EPS15L1: variants seen among roughly 807,000 people sequenced by gnomAD.
The protein encoded by EPS15L1 is epidermal growth factor receptor pathway substrate 15 like 1.
Under a neutral mutation model 117.1 loss-of-function variants are expected in EPS15L1, and 43 were observed. That is an observed-to-expected ratio of 0.37 (90% CI 0.29 to 0.47). The LOEUF is 0.47. Ranked by LOEUF, EPS15L1 falls within the 20% of genes least tolerant of loss-of-function variation. EPS15L1 has a pLI of 0.99. For synonymous variants in EPS15L1, 459 were observed against 470.5 expected (o/e 0.98, Z 0.32); for missense variants, 981 against 1,164.0 (o/e 0.84, Z 2.29).
At position 16,441,955 on chromosome 19, in the gene EPS15L1, C is replaced by G; in HGVS notation, c.102G>C (p.Val34=). Residue 34 remains valine, a synonymous_variant, in exon 3 of 24, where the codon GTG becomes GTC. Coordinates refer to ENST00000455140, the MANE Select transcript of EPS15L1 (RefSeq NM_001258374.3). ...GAAAAAGCGCAGCTTCACTCGCCCC[C>G]ACCCTCCCTGTGTATGCCGGATCGA... The part of the protein sequence containing the change: ...KQVDPAYTGR[V]GASEAALFLK... The G allele has an allele frequency of 6.2e-7, 1 of 1,614,056 alleles. No homozygotes were observed. Among genetic ancestry groups the G allele is most frequent in the South Asian group, 1.1e-5 (1 of 91,054 alleles).
Position 16,404,082 on chromosome 19 carries a change from C to G in EPS15L1, c.1429-152G>C. 1.5e-6 allele frequency: 1 copy of G among 681,108 alleles called. No individual in the cohort carries two copies. The highest frequency in any genetic ancestry group is 2.5e-6 in the Non-Finnish European group (1 of 401,472). 42.2% of individuals were successfully genotyped at this position (681,108 alleles called of 1,614,324 possible). A position where few individuals can be genotyped will look rare whatever the true frequency, so the allele number is the denominator to read the frequency against. ...CCCGACACCTGGCTTCCTTACAGGC[C>G]TCTTTCTACACCCAAAATAGAGACA... is the stretch of plus-strand genomic sequence containing the variant. On this transcript the variant is annotated intron_variant, in intron 14 of 23. Coordinates refer to ENST00000455140, the MANE Select transcript of EPS15L1 (RefSeq NM_001258374.3). This position sits in a 1 kb window ranked among gnomAD's most constrained non-coding sequence, Gnocchi z 4.2.
intron 19 of EPS15L1, among the ~76,000 whole-genome samples, chr19:16,388,428 C>T (rs181461730): frequency 6.6e-6 from 1 of 152,178 alleles, no homozygotes; most frequent in Non-Finnish European, 1.5e-5. Context: ...AAGAAAACTA[C>T]ACCCAGAAAC....
At chr19:16,430,193 G>C (rs1380801113) in intron 7 of EPS15L1, among the ~76,000 whole-genome samples, 1 of 152,184 alleles carries the variant, frequency 6.6e-6, no homozygotes, top group Non-Finnish European at 1.5e-5. Flanking sequence ...GTCTTCCCCA[G>C]CTGCCCTGCT....
chr19:16,420,298 T>A (rs1030800149), intron 10 of EPS15L1, among the ~76,000 whole-genome samples: 1 of 152,222 alleles, frequency 6.6e-6, no homozygotes. Flanking sequence ...GCAGCATGCA[T>A]TATAAATTAC....
intron 9 of EPS15L1, among the ~76,000 whole-genome samples, chr19:16,422,804 A>C (rs2092830471): frequency 1.3e-5 from 2 of 152,030 alleles, no homozygotes; most frequent in Admixed American, 6.6e-5. Flanking sequence ...TAAAAACACG[A>C]AAAATTAGCC....
intron 22 of EPS15L1, among the ~76,000 whole-genome samples, chr19:16,362,910 T>C (rs965192867): frequency 3.9e-5 from 6 of 152,162 alleles, no homozygotes; most frequent in Non-Finnish European, 8.8e-5. Flanking sequence ...AGCAGGGAAC[T>C]CCAGGATGCC....
At chr19:16,360,461 G>A (rs964800686) in intron 23 of EPS15L1, among the ~76,000 whole-genome samples, 5 of 151,808 alleles carry the variant, frequency 3.3e-5, no homozygotes, top group African/African-American at 9.7e-5. Flanking sequence ...GGTCTTGGGC[G>A]ATTTAAATAA....
At chr19:16,392,058 G>A (rs1460678076) in intron 19 of EPS15L1, among the ~76,000 whole-genome samples, 2 of 152,188 alleles carry the variant, frequency 1.3e-5, no homozygotes, top group Non-Finnish European at 2.9e-5. Context: ...CTGATGTGGG[G>A]CCACTGGACT....
At chr19:16,468,724 G>T (rs984325911) in intron 1 of EPS15L1, among the ~76,000 whole-genome samples, 3 of 151,440 alleles carry the variant, frequency 2.0e-5, no homozygotes, top group African/African-American at 7.3e-5. Context: ...TTTAGAAGAT[G>T]AATCCTAGCC....
chr19:16,382,183 G>T (rs549290532), intron 21 of EPS15L1, among the ~76,000 whole-genome samples: 136 of 152,306 alleles, frequency 8.9e-4, no homozygotes, highest in Non-Finnish European at 1.8e-3. Flanking sequence ...AACTCGCGAG[G>T]CGACAGGCTT....
Position 16,370,376 on chromosome 19 carries a change from C to A in EPS15L1, c.2380+6746G>T, listed in dbSNP as rs1019530021. On this transcript the variant is annotated intron_variant, in intron 22 of 23. Transcript: ENST00000455140. The surrounding 1 kb of genome is among the most constrained non-coding windows in gnomAD (Gnocchi z 5.2). ...CAGAGCCCCCTTCTGAGGCGTCTGCCCCAGCCCTCACCTCCCTCAGGTGCC... is the reference window on the plus strand; with the variant it reads ...CAGAGCCCCCTTCTGAGGCGTCTGCACCAGCCCTCACCTCCCTCAGGTGCC... Among the ~76,000 whole-genome samples, 1 of 152,098 alleles carries A rather than the reference C, an allele frequency of 6.6e-6. No homozygotes were observed. The highest frequency in any genetic ancestry group is 6.5e-5 in the Admixed American group (1 of 15,276).
In EPS15L1 at chr19:16,425,277, C is replaced by G. The variant is rs750262553; in HGVS notation, c.598G>C (p.Val200Leu). 7.5e-6 allele frequency: 12 copies of G among 1,606,796 alleles called. No homozygotes were observed. Among genetic ancestry groups the G allele is most frequent in the Non-Finnish European group, 1.7e-6 (2 of 1,176,262 alleles). Residue 200 changes from valine (V) to leucine (L), a missense_variant, in exon 9 of 24, where the codon GTG (valine) becomes CTG (leucine). Around this residue, in one of 5 missense-constraint regions of EPS15L1, gnomAD observed 819 missense variants for 949.0 expected, o/e 0.86. Coordinates refer to ENST00000455140, the MANE Select transcript of EPS15L1 (RefSeq NM_001258374.3). ...AGGGACGGGGGCAGGGCGGAGGGCA[C>G]GGGCTCCTTCTCCAGGGCTCGGTAC... ...LVYRALEKEP[V>L]PSALPPSLIP...
intron 19 of EPS15L1, among the ~76,000 whole-genome samples, chr19:16,387,701 G>C (rs1218731454): frequency 6.6e-6 from 1 of 152,180 alleles, no homozygotes; most frequent in African/African-American, 2.4e-5. Context: ...AGGAGGTGGA[G>C]GTTGCAGTGA....
At position 16,471,359 on chromosome 19, in the gene EPS15L1, C is replaced by A. The variant is rs1052133389; in HGVS notation, c.33+554G>T. Among the ~76,000 whole-genome samples, 10 of 152,214 alleles carry A rather than the reference C, an allele frequency of 6.6e-5. No individual in the cohort carries two copies. Among genetic ancestry groups the A allele is most frequent in the Non-Finnish European group, 1.3e-4 (9 of 68,032 alleles). ...GCTATCGATACTGCCCCTTCATAAG[C>A]GCATCAGGCGAATTTGAGGACACAG... On this transcript the variant is annotated intron_variant, in intron 1 of 23. Coordinates refer to ENST00000455140, the MANE Select transcript of EPS15L1 (RefSeq NM_001258374.3). The surrounding 1 kb of genome is among the most constrained non-coding windows in gnomAD (Gnocchi z 4.8).
At chr19:16,449,123 AACT>A (rs1430987881) in intron 1 of EPS15L1, among the ~76,000 whole-genome samples, 1 of 151,708 alleles carries the variant, frequency 6.6e-6, no homozygotes, top group Non-Finnish European at 1.5e-5. Flanking sequence ...GAAATTAAAA[AACT>A]AGCCAGGCGT....
At chr19:16,379,074 C>T (rs960092457) in intron 21 of EPS15L1, among the ~76,000 whole-genome samples, 5 of 152,116 alleles carry the variant, frequency 3.3e-5, no homozygotes, top group East Asian at 1.9e-4. Context: ...GAGGCCGAGG[C>T]GGGCAGATCA....
intron 1 of EPS15L1, among the ~76,000 whole-genome samples, chr19:16,457,625 A>T (rs930421454): frequency 5.9e-5 from 9 of 152,048 alleles, no homozygotes; most frequent in Non-Finnish European, 1.2e-4. Context: ...GAAGGGATGG[A>T]ACTGGAATGG....
intron 18 of EPS15L1, 119 bp downstream of exon 18, chr19:16,393,832 C>T: frequency 9.6e-7 from 1 of 1,036,410 alleles, no homozygotes; most frequent in South Asian, 1.3e-5. Flanking sequence ...GGACGGCCGT[C>T]CTTCCCAGTT....
At chr19:16,391,511 G>C (rs1250207163) in intron 19 of EPS15L1, among the ~76,000 whole-genome samples, 1 of 152,102 alleles carries the variant, frequency 6.6e-6, no homozygotes, top group Non-Finnish European at 1.5e-5. Flanking sequence ...AGGAGGGTGA[G>C]TGCCCGTCTC....
Sources: allele counts gnomAD v4.1 joint callset (sites outside exome capture counted in the v4.1 genomes callset), GRCh38; gene constraint gnomAD v4.1.1; regional missense constraint gnomAD v4.1.1; non-coding constraint Gnocchi (gnomAD v3.1); transcripts MANE v1.5; gene names NCBI Gene and HGNC (gene_info 2026-07-23, HGNC 2026-07-21).